THSD7B: variants seen among roughly 807,000 people sequenced by gnomAD.
THSD7B encodes the protein thrombospondin type 1 domain containing 7B.
In THSD7B, 138 loss-of-function variants were observed where a neutral mutation model predicts 213.6. The ratio of observed to expected loss-of-function variants is 0.65; its 90% CI spans 0.56 to 0.74. THSD7B has a LOEUF of 0.74. Ranked by LOEUF, THSD7B falls within the 30% of genes least tolerant of loss-of-function variation. THSD7B has a pLI of 0.00. For synonymous variants in THSD7B, 742 were observed against 687.0 expected (o/e 1.08, Z -1.25); for missense variants, 1,931 against 1,991.5 (o/e 0.97, Z 0.58).
chr2:137,396,785 A>T (rs913360547), intron 12 of THSD7B, among the ~76,000 whole-genome samples: 6 of 151,222 alleles, frequency 4.0e-5, no homozygotes, highest in South Asian at 2.1e-4. Context: ...CCCATTATTA[A>T]TGTGTGGGAG....
In THSD7B at chr2:137,659,918, A is replaced by G. The variant is rs192195363; in HGVS notation, c.4458+172A>G. 3.9e-4 allele frequency among the ~76,000 whole-genome samples: 60 copies of G among 152,352 alleles called. No individual in the cohort carries two copies. The East Asian group carries it at 0.01, about 26-fold the overall frequency. ...TTATAAAGAATTTCTCGTCAGGACC[A>G]TGTATTAACAGTGTTTTTCTATAAA... On this transcript the variant is annotated intron_variant, in intron 25 of 27. Transcript: ENST00000409968.
chr2:136,801,052 G>A (rs1031981685), intron 1 of THSD7B, among the ~76,000 whole-genome samples: 2 of 151,822 alleles, frequency 1.3e-5, no homozygotes, highest in Admixed American at 1.3e-4. Context: ...CCCACTGTGT[G>A]TACGTCCATT....
intron 15 of THSD7B, among the ~76,000 whole-genome samples, chr2:137,481,202 C>T (rs900563641): frequency 2.0e-5 from 3 of 152,186 alleles, no homozygotes; most frequent in African/African-American, 4.8e-5. Flanking sequence ...TCAGGTATTT[C>T]GTTATAATAG....
At chr2:137,266,813 T>G (rs1682601792) in intron 10 of THSD7B, among the ~76,000 whole-genome samples, 1 of 152,186 alleles carries the variant, frequency 6.6e-6, no homozygotes, top group African/African-American at 2.4e-5. Flanking sequence ...CCAGTGCCTA[T>G]GTTCACTCCT....
At chr2:136,864,805 G>A (rs1558830679) in intron 1 of THSD7B, among the ~76,000 whole-genome samples, 1 of 152,058 alleles carries the variant, frequency 6.6e-6, no homozygotes, top group African/African-American at 2.4e-5. Context: ...GCCCACCTTG[G>A]CCTCCCAAAG....
At chr2:137,323,344 C>T (rs76075114) in intron 12 of THSD7B, among the ~76,000 whole-genome samples, 6,807 of 152,208 alleles carry the variant, frequency 0.045, 185 homozygotes, top group Non-Finnish European at 0.061. Flanking sequence ...CCCTGGCTCC[C>T]AGTTCCTGTC....
chr2:137,029,677 G>A (rs1233948386), intron 2 of THSD7B, among the ~76,000 whole-genome samples: 1 of 152,158 alleles, frequency 6.6e-6, no homozygotes, highest in African/African-American at 2.4e-5. Context: ...GGTCCTTCAA[G>A]TTGCTGGTCA....
chr2:137,375,224 A>G (rs1685626482), intron 12 of THSD7B, among the ~76,000 whole-genome samples: 1 of 152,134 alleles, frequency 6.6e-6, no homozygotes, highest in Non-Finnish European at 1.5e-5. Context: ...TAAAGAAGTT[A>G]TAACTCGTGA....
In THSD7B at chr2:137,594,390, T is replaced by C. The variant is rs916718281; in HGVS notation, c.3424-21785T>C. 1.4e-4 allele frequency among the ~76,000 whole-genome samples: 22 copies of C among 151,976 alleles called. 1 individual carries two copies. The highest frequency in any genetic ancestry group is 2.9e-5 in the Non-Finnish European group (2 of 67,922). The stretch of plus-strand genomic sequence containing the variant: ...TGCAAGTCATGGCAAAGCAGAGAAA[T>C]TGGTACACAGAACTGGTAAAAATAT... On this transcript the variant is annotated intron_variant, in intron 17 of 27. Coordinates refer to ENST00000409968, the MANE Select transcript of THSD7B (RefSeq NM_001316349.2).
chr2:137,393,329 G>A (rs1205478784), intron 12 of THSD7B, among the ~76,000 whole-genome samples: 5 of 141,332 alleles, frequency 3.5e-5, no homozygotes, highest in African/African-American at 1.3e-4. Context: ...CCCCACCACA[G>A]CCCCCATAGT....
chr2:137,359,461 G>A (rs1685205420), intron 12 of THSD7B, among the ~76,000 whole-genome samples: 1 of 152,182 alleles, frequency 6.6e-6, no homozygotes, highest in South Asian at 2.1e-4. Flanking sequence ...ACCTTGGGGG[G>A]TGCTAGTGAA....
intron 20 of THSD7B, among the ~76,000 whole-genome samples, chr2:137,630,464 C>T (rs953788103): frequency 1.3e-5 from 2 of 152,208 alleles, no homozygotes; most frequent in Non-Finnish European, 2.9e-5. Flanking sequence ...CTTCCTGCTC[C>T]AGTCTGTTGG....
intron 2 of THSD7B, among the ~76,000 whole-genome samples, chr2:136,912,438 A>G (rs1684278918): frequency 6.6e-6 from 1 of 151,530 alleles, no homozygotes. Flanking sequence ...GGTTTAACAC[A>G]GTGGTATGTG....
chr2:137,486,336 A>G (rs4954377), intron 15 of THSD7B, among the ~76,000 whole-genome samples: 142,645 of 144,052 alleles, frequency 0.99, 70,641 homozygotes, highest in Middle Eastern at 1. Context: ...AAAAGGCAGG[A>G]GTTGCAATCC....
intron 12 of THSD7B, among the ~76,000 whole-genome samples, chr2:137,320,264 A>G (rs1684232641): frequency 6.6e-6 from 1 of 152,154 alleles, no homozygotes; most frequent in Non-Finnish European, 1.5e-5. Flanking sequence ...CAGCTCTTAT[A>G]TTCTAATATA....
chr2:136,999,990 A>G (rs1685971223), intron 2 of THSD7B, among the ~76,000 whole-genome samples: 1 of 152,166 alleles, frequency 6.6e-6, no homozygotes, highest in African/African-American at 2.4e-5. Context: ...GAATTTCATT[A>G]GACAGTTCTA....
intron 7 of THSD7B, 97 bp from the exon 8 acceptor site, chr2:137,230,947 T>C (rs1029854095): frequency 2.8e-5 from 33 of 1,181,174 alleles, no homozygotes; most frequent in Non-Finnish European, 3.9e-5. Flanking sequence ...GAAGAAACTA[T>C]CATTTTTGGG....
intron 25 of THSD7B, among the ~76,000 whole-genome samples, chr2:137,660,023 A>C (rs1683313484): frequency 6.6e-6 from 1 of 152,170 alleles, no homozygotes; most frequent in Admixed American, 6.6e-5. Context: ...CAGTTGACTT[A>C]TGTCTTCTCT....
At chr2:136,984,548 T>C (rs1685638643) in intron 2 of THSD7B, among the ~76,000 whole-genome samples, 1 of 152,210 alleles carries the variant, frequency 6.6e-6, no homozygotes, top group South Asian at 2.1e-4. Flanking sequence ...CAGCAGATGT[T>C]GGTGCCATGC....
Sources: gnomAD v4.1 joint callset for allele counts (sites outside exome capture counted in the v4.1 genomes callset) on GRCh38, gnomAD v4.1.1 for gene constraint, MANE v1.5 for transcripts, NCBI Gene and HGNC (gene_info 2026-07-23, HGNC 2026-07-21) for gene names.